The following TKT variants were observed in gnomAD, a reference collection of about 807,000 sequenced individuals.
TKT encodes the protein transketolase.
In TKT, 47 loss-of-function variants were observed where a neutral mutation model predicts 63.9. That is an observed-to-expected ratio of 0.74 (90% confidence interval 0.58 to 0.94). The LOEUF (loss-of-function observed/expected upper bound fraction) is 0.94, where lower values mean the gene tolerates loss of function less well. Among genes scored for constraint, TKT ranks in the 40% least tolerant of loss-of-function variants. The probability of loss-of-function intolerance (pLI) is 0.00; values close to 1 mark genes in which losing one functional copy is unlikely to be tolerated. For missense variants in TKT, 721 were observed against 846.2 expected (o/e 0.85, Z 1.84); for synonymous variants, 338 against 334.1 (o/e 1.01, Z -0.13).
At position 53,231,570 on chromosome 3, in the gene TKT, G is replaced by A; in HGVS notation, c.749-20C>T. 1 of 1,607,166 alleles carries A rather than the reference G, an allele frequency of 6.2e-7. No homozygotes were observed. The highest frequency in any genetic ancestry group is 8.5e-7 in the Non-Finnish European group (1 of 1,176,016). ...CTACCCCTGCAGACCCAACACGGGA[G>A]GACAGAGGAATGGGTAAGACAGAAG... is the stretch of plus-strand genomic sequence containing the variant. On this transcript the variant is annotated intron_variant, in intron 6 of 13. Coordinates refer to ENST00000462138, the MANE Select transcript of TKT (RefSeq NM_001064.4).
intron 1 of TKT, among the ~76,000 whole-genome samples, chr3:53,252,095 G>A (rs1274742735): frequency 6.6e-6 from 1 of 152,212 alleles, no homozygotes; most frequent in East Asian, 1.9e-4. Context: ...AGCCAAGATC[G>A]CACCATTGCA....
rs1553676390 is a variant in TKT at position 53,229,338 on chromosome 3, C to T, written c.1206G>A (p.Met402Ile). ...FFTRAFDQIR[M>I]AAISESNINL... ...TGATGTTGCTCTCGGAGATGGCGGC[C>T]ATGCGAATCTGGTCAAAGGCCCGCG... The change falls in exon 9 of 14, where the codon ATG becomes ATA. Residue 402 changes from methionine (M) to isoleucine (I), a missense_variant. Transcript: ENST00000462138. The T allele has an allele frequency of 6.2e-7, 1 of 1,614,000 alleles. No homozygotes were observed. Among genetic ancestry groups the T allele is most frequent in the Non-Finnish European group, 8.5e-7 (1 of 1,179,982 alleles).
At chr3:53,236,358 C>T (rs895044131) in intron 4 of TKT, among the ~76,000 whole-genome samples, 5 of 152,230 alleles carry the variant, frequency 3.3e-5, no homozygotes, top group African/African-American at 1.2e-4. Context: ...TGACTCAGCA[C>T]TTCCACATGC....
intron 1 of TKT, among the ~76,000 whole-genome samples, chr3:53,252,927 C>T (rs1298457715): frequency 1.3e-5 from 2 of 152,046 alleles, no homozygotes; most frequent in Non-Finnish European, 2.9e-5. Context: ...GCAACTTCTG[C>T]CTCCCGGGTT....
chr3:53,242,799 C>A (rs1239601307), intron 1 of TKT, among the ~76,000 whole-genome samples: 1 of 152,138 alleles, frequency 6.6e-6, no homozygotes, highest in Non-Finnish European at 1.5e-5. Flanking sequence ...GCCCATGGGG[C>A]AGGGAGGAAG....
intron 8 of TKT, among the ~76,000 whole-genome samples, chr3:53,230,145 G>A (rs1166568749): frequency 6.6e-6 from 1 of 152,138 alleles, no homozygotes; most frequent in Non-Finnish European, 1.5e-5. Context: ...CTACTGGCCA[G>A]GCCTGTCCTC....
chr3:53,228,815 T>G, intron 10 of TKT, 192 bp downstream of exon 10: 1 of 776,442 alleles, frequency 1.3e-6, no homozygotes, highest in Non-Finnish European at 2.1e-6. Context: ...CAGTTGACAA[T>G]GTCTGCCACG....
chr3:53,227,974 C>G, intron 12 of TKT, 82 bp downstream of exon 12: 2 of 1,221,566 alleles, frequency 1.6e-6, no homozygotes, highest in South Asian at 1.3e-5. Flanking sequence ...CAAGAAAGAA[C>G]AGAAAGAACG....
At chr3:53,249,488 C>A (rs1009259174) in intron 1 of TKT, among the ~76,000 whole-genome samples, 1 of 152,000 alleles carries the variant, frequency 6.6e-6, no homozygotes, top group African/African-American at 2.4e-5. Context: ...GAGACTGAGG[C>A]AGAAAATCGC....
At chr3:53,250,415 G>A (rs1443973399) in intron 1 of TKT, among the ~76,000 whole-genome samples, 6 of 152,100 alleles carry the variant, frequency 3.9e-5, no homozygotes, top group Admixed American at 2.6e-4. Context: ...GTGGGACCCC[G>A]GAGCCCACTC....
chr3:53,237,499 C>T (rs1159457176), intron 4 of TKT, among the ~76,000 whole-genome samples: 1 of 110,778 alleles, frequency 9.0e-6, no homozygotes, highest in Non-Finnish European at 1.9e-5. Context: ...ATATTATACA[C>T]ACACACACAC....
At chr3:53,249,140 T>G (rs1159936913) in intron 1 of TKT, among the ~76,000 whole-genome samples, 1 of 147,308 alleles carries the variant, frequency 6.8e-6, no homozygotes, top group Non-Finnish European at 1.5e-5. Context: ...CTCATTTTTT[T>G]TGTATTTTTT....
intron 6 of TKT, chr3:53,232,301 T>C (rs1220320503): frequency 3.0e-5 from 12 of 398,710 alleles, no homozygotes; most frequent in South Asian, 2.6e-4. Flanking sequence ...CATGACAATA[T>C]CCCAGAGCCC....
chr3:53,253,689 G>C (rs1705857433), intron 1 of TKT, among the ~76,000 whole-genome samples: 1 of 152,224 alleles, frequency 6.6e-6, no homozygotes, highest in Non-Finnish European at 1.5e-5. Flanking sequence ...AGTTGAACCT[G>C]GGAGGCAGAG....
intron 10 of TKT, 91 bp downstream of exon 10, chr3:53,228,916 G>T: frequency 6.5e-7 from 1 of 1,547,624 alleles, no homozygotes; most frequent in Non-Finnish European, 8.7e-7. Flanking sequence ...AACACCCCCT[G>T]GGGCAGCAAG....
At chr3:53,238,315 CT>C (rs1330243380) in intron 4 of TKT, among the ~76,000 whole-genome samples, 1 of 152,256 alleles carries the variant, frequency 6.6e-6, no homozygotes, top group Non-Finnish European at 1.5e-5. Context: ...AAACATGCAT[CT>C]CATTCTTTGT....
chr3:53,240,313 C>T lies in TKT; in HGVS notation c.375G>A (p.Leu125=). ...QAFTDVATGS[L]GQGLGAACGM... ...CACAAGCGGCCCCGAGGCCCTGGCC[C>T]AGGGAGCCAGTGGCCACGTCGGTGA... The change falls in exon 4 of 14, where the codon CTG becomes CTA. Residue 125 remains leucine (L), a synonymous_variant. Transcript: ENST00000462138. The T allele has an allele frequency of 6.2e-7, 1 of 1,613,116 alleles. No homozygotes were observed. Among genetic ancestry groups the T allele is most frequent in the Non-Finnish European group, 8.5e-7 (1 of 1,179,464 alleles).
chr3:53,238,621 G>A (rs921999880), intron 4 of TKT, among the ~76,000 whole-genome samples: 1 of 152,168 alleles, frequency 6.6e-6, no homozygotes, highest in African/African-American at 2.4e-5. Context: ...TGCAGAACTG[G>A]GCCCTTCTCA....
Position 53,233,217 on chromosome 3 carries a change from G to A in TKT, c.687C>T (p.Gly229=). The A allele has an allele frequency of 6.2e-7, 1 of 1,613,808 alleles. No individual in the cohort carries two copies. Among genetic ancestry groups the A allele is most frequent in the Non-Finnish European group, 8.5e-7 (1 of 1,179,896 alleles). The change falls in exon 6 of 14, where the codon GGC becomes GGT. Residue 229 remains glycine (G), a synonymous_variant. Coordinates refer to ENST00000462138, the MANE Select transcript of TKT (RefSeq NM_001064.4). ...HSVEELCKAF[G]QAKHQPTAII... ...TGGCTGTTGGCTGGTGCTTGGCCTG[G>A]CCAAAGGCCTTGCACAGCTCCTCCA...
Sources: allele counts gnomAD v4.1 joint callset (sites outside exome capture counted in the v4.1 genomes callset), GRCh38; gene constraint gnomAD v4.1.1; transcripts MANE v1.5; gene names NCBI Gene and HGNC (gene_info 2026-07-23, HGNC 2026-07-21).